The following GOLM2 variants were observed in gnomAD, a reference collection of about 807,000 sequenced individuals.
GOLM2 encodes protein GOLM2.
GOLM2 carries 26 observed loss-of-function variants against 55.9 expected under a neutral mutation model. The observed-to-expected ratio is 0.47, with a 90% CI of 0.34 to 0.65. The LOEUF (loss-of-function observed/expected upper bound fraction) is 0.65. GOLM2 is among the 30% of genes least tolerant of loss of function. The pLI is 0.01. For missense variants in GOLM2, 486 were observed against 531.8 expected (o/e 0.91, Z 0.85); for synonymous variants, 165 against 194.6 (o/e 0.85, Z 1.27).
At chr15:44,383,400 ACAGTTT>A (rs916009110) in intron 8 of GOLM2, among the ~76,000 whole-genome samples, 2 of 151,962 alleles carry the variant, frequency 1.3e-5, no homozygotes, top group Admixed American at 1.3e-4. Flanking sequence ...GTTCTCTAGA[ACAGTTT>A]TAAAGTGTCA....
At chr15:44,382,913 ACT>A (rs1400031210) in intron 8 of GOLM2, among the ~76,000 whole-genome samples, 2 of 141,610 alleles carry the variant, frequency 1.4e-5, no homozygotes, top group South Asian at 4.5e-4. Context: ...ACAGAGCGAG[ACT>A]CTGTCAAAAA....
intron 3 of GOLM2, 132 bp from the exon 4 acceptor site, chr15:44,331,855 GC>G: frequency 1.6e-6 from 1 of 616,766 alleles, no homozygotes; most frequent in South Asian, 2.0e-5. Context: ...CTATTTGTAT[GC>G]TCTGTTTTTT....
chr15:44,396,741 G>T (rs2079529556), intron 8 of GOLM2, among the ~76,000 whole-genome samples: 1 of 152,166 alleles, frequency 6.6e-6, no homozygotes, highest in African/African-American at 2.4e-5. Flanking sequence ...AAAGTAAAAT[G>T]TATGAAAAAT....
intron 6 of GOLM2, among the ~76,000 whole-genome samples, chr15:44,354,305 G>C (rs889097334): frequency 7.1e-5 from 10 of 140,674 alleles, no homozygotes; most frequent in Non-Finnish European, 1.5e-4. Context: ...GTTGTGTAGT[G>C]GGGGGAGGGG....
chr15:44,344,309 A>T (rs113185089), intron 6 of GOLM2, among the ~76,000 whole-genome samples: 18,447 of 148,092 alleles, frequency 0.12, 1,413 homozygotes, highest in East Asian at 0.27. Flanking sequence ...ATATATATAT[A>T]TACCTCTGAA....
intron 9 of GOLM2, among the ~76,000 whole-genome samples, chr15:44,408,718 C>T (rs915079920): frequency 6.6e-6 from 1 of 152,176 alleles, no homozygotes; most frequent in African/African-American, 2.4e-5. Context: ...GTGGTTCACT[C>T]CTGTAATCCC....
At chr15:44,325,724 T>G (rs1388073367) in intron 2 of GOLM2, among the ~76,000 whole-genome samples, 1 of 152,214 alleles carries the variant, frequency 6.6e-6, no homozygotes, top group Non-Finnish European at 1.5e-5. Context: ...GTTTGATCCC[T>G]TAGCCACAAG....
intron 9 of GOLM2, among the ~76,000 whole-genome samples, chr15:44,411,607 T>C (rs2079638889): frequency 1.3e-5 from 2 of 152,136 alleles, no homozygotes; most frequent in Non-Finnish European, 2.9e-5. Context: ...TTTGGGTGGC[T>C]GAGGCAGGTA....
chr15:44,378,665 T>C (rs965401603), intron 6 of GOLM2, among the ~76,000 whole-genome samples: 2 of 152,188 alleles, frequency 1.3e-5, no homozygotes, highest in African/African-American at 4.8e-5. Context: ...CTTAATACCT[T>C]ACCTAACTTG....
At chr15:44,367,261 C>T (rs1429222860) in intron 6 of GOLM2, among the ~76,000 whole-genome samples, 1 of 142,194 alleles carries the variant, frequency 7.0e-6, no homozygotes, top group South Asian at 2.3e-4. Flanking sequence ...GTTTTTAGAT[C>T]CCTGTTTTAA....
At chr15:44,379,655 A>G (rs137914571) in intron 6 of GOLM2, 35 bp from the exon 7 acceptor site, 34 of 961,320 alleles carry the variant, frequency 3.5e-5, no homozygotes, top group Admixed American at 2.0e-4. Context: ...CATAGTATCA[A>G]TGGGAATAAT....
At position 44,409,592 on chromosome 15, in the gene GOLM2, C is replaced by CAAAAAAAA. The variant is rs60091801; in HGVS notation, c.1241-3717_1241-3710dup. Reference sequence around the variant, plus strand: ...GCTACAACAGCAAGACCCTCTCTCTCAAAAAAAAAAAAAAAAAAAAAAAAA... The same window carrying CAAAAAAAA: ...GCTACAACAGCAAGACCCTCTCTCTCAAAAAAAAAAAAAAAAAAAAAAAAAAAAAAAAA... On this transcript the variant is annotated intron_variant, in intron 9 of 9. Transcript: ENST00000299957. 9 of 17,008 alleles carry CAAAAAAAA rather than the reference C, an allele frequency of 5.3e-4. 1 individual carries two copies. The highest frequency in any genetic ancestry group is 3.9e-3 in the East Asian group (3 of 764). 1.1% of individuals were successfully genotyped at this position (17,008 alleles called of 1,614,324 possible).
intron 9 of GOLM2, among the ~76,000 whole-genome samples, chr15:44,407,493 C>T (rs957768494): frequency 1.3e-5 from 2 of 151,636 alleles, no homozygotes; most frequent in African/African-American, 4.8e-5. Context: ...CCAGGCTGGT[C>T]TTAAACTCCT....
Position 44,395,395 on chromosome 15 carries a change from G to T in GOLM2, c.1073-7492G>T, listed in dbSNP as rs1282604981. Among the ~76,000 whole-genome samples the T allele has an allele frequency of 2.6e-5, 4 of 151,632 alleles. No homozygotes were observed. In the East Asian group the frequency reaches 7.7e-4, roughly 29 times the overall value. ...TAATGCAGCAAAAGTGACTCATCTT[G>T]GTGTTTCCTTTGACTTATAGTACAG... is the stretch of plus-strand genomic sequence containing the variant. On this transcript the variant is annotated intron_variant, in intron 8 of 9. Transcript: ENST00000299957.
At chr15:44,359,702 T>A (rs374011324) in intron 6 of GOLM2, among the ~76,000 whole-genome samples, 5 of 152,052 alleles carry the variant, frequency 3.3e-5, no homozygotes, top group Non-Finnish European at 7.4e-5. Context: ...ATACAGAGAA[T>A]GCCACAAAGA....
chr15:44,323,736 A>C (rs1208683271), intron 2 of GOLM2, among the ~76,000 whole-genome samples: 1 of 152,166 alleles, frequency 6.6e-6, no homozygotes, highest in East Asian at 1.9e-4. Flanking sequence ...TGTGGGTAGT[A>C]CATGCTCTCT....
chr15:44,337,380 G>T (rs2079064459), intron 4 of GOLM2, among the ~76,000 whole-genome samples: 1 of 151,726 alleles, frequency 6.6e-6, no homozygotes, highest in South Asian at 2.1e-4. Context: ...ATCCTGCTTG[G>T]TTCTAACATA....
chr15:44,360,167 ACAT>A (rs1424006416), intron 6 of GOLM2, among the ~76,000 whole-genome samples: 2 of 152,176 alleles, frequency 1.3e-5, no homozygotes, highest in Non-Finnish European at 2.9e-5. Context: ...TAACCAGCTA[ACAT>A]CATAATGACA....
intron 1 of GOLM2, among the ~76,000 whole-genome samples, chr15:44,291,815 T>C (rs2078722634): frequency 6.6e-6 from 1 of 152,178 alleles, no homozygotes; most frequent in African/African-American, 2.4e-5. Context: ...AGAATACCCT[T>C]CTTGTAATAT....
Sources: allele counts gnomAD v4.1 joint callset (sites outside exome capture counted in the v4.1 genomes callset), GRCh38; gene constraint gnomAD v4.1.1; transcripts MANE v1.5; gene names NCBI Gene and HGNC (gene_info 2026-07-23, HGNC 2026-07-21).